Variants in DAGLA observed in about 807,000 individuals in gnomAD.
The protein encoded by DAGLA is diacylglycerol lipase-alpha.
A neutral mutation model predicts 102.6 loss-of-function variants in DAGLA; 22 were observed. That is an observed-to-expected ratio of 0.21 (90% CI 0.15 to 0.31). The LOEUF (loss-of-function observed/expected upper bound fraction) is 0.31, where lower values mean the gene tolerates loss of function less well. Ranked by LOEUF, DAGLA falls within the 10% of genes least tolerant of loss-of-function variation. The pLI, the probability that DAGLA is intolerant of heterozygous loss-of-function variation, is 1.00. For missense variants in DAGLA, 927 were observed against 1,446.6 expected (o/e 0.64, Z 5.83); for synonymous variants, 578 against 628.9 (o/e 0.92, Z 1.21).
At chr11:61,701,718 G>A (rs918931490) in intron 1 of DAGLA, among the ~76,000 whole-genome samples, 1 of 152,200 alleles carries the variant, frequency 6.6e-6, no homozygotes, top group Non-Finnish European at 1.5e-5. Context: ...GCCCTTTACC[G>A]AGTCTCACCC....
intron 1 of DAGLA, among the ~76,000 whole-genome samples, chr11:61,716,918 T>C (rs1292337975): frequency 6.6e-6 from 1 of 152,130 alleles, no homozygotes; most frequent in Non-Finnish European, 1.5e-5. Flanking sequence ...AGAGGGGTCC[T>C]GGCACCCCAT....
At chr11:61,702,520 G>T (rs2065117342) in intron 1 of DAGLA, among the ~76,000 whole-genome samples, 1 of 152,204 alleles carries the variant, frequency 6.6e-6, no homozygotes, top group Non-Finnish European at 1.5e-5. Context: ...GGAAATTAGA[G>T]ATCATCTGGT....
At chr11:61,716,810 T>C (rs190306288) in intron 1 of DAGLA, among the ~76,000 whole-genome samples, 15 of 152,306 alleles carry the variant, frequency 9.8e-5, no homozygotes, top group African/African-American at 2.9e-4. Context: ...TGGTTAGTAC[T>C]TAGTCCAGGG....
chr11:61,719,979 C>T (rs909694591), intron 1 of DAGLA, 133 bp from the exon 2 acceptor site: 5 of 624,618 alleles, frequency 8.0e-6, no homozygotes, highest in African/African-American at 5.5e-5. Context: ...TGGGTCAGCA[C>T]TTCCAGTGGC....
In DAGLA at chr11:61,696,429, C is replaced by T. The variant is rs1029050784; in HGVS notation, c.-45+15925C>T. On this transcript the variant is annotated intron_variant, in intron 1 of 19. Coordinates refer to ENST00000257215, the MANE Select transcript of DAGLA (RefSeq NM_006133.3). Reference sequence around the variant, plus strand: ...CAAGGACACCACCCCCACTTCCCAGCGGGGAGGAGCAGTGGGGCCGGGGCG... The same window carrying T: ...CAAGGACACCACCCCCACTTCCCAGTGGGGAGGAGCAGTGGGGCCGGGGCG... 9.2e-5 allele frequency among the ~76,000 whole-genome samples: 14 copies of T among 152,286 alleles called. 1 individual carries two copies. The highest frequency in any genetic ancestry group is 8.3e-4 in the South Asian group (4 of 4,826).
chr11:61,691,069 C>A (rs1006289957), intron 1 of DAGLA, among the ~76,000 whole-genome samples: 3 of 152,124 alleles, frequency 2.0e-5, no homozygotes, highest in African/African-American at 7.2e-5. Flanking sequence ...CAGTTTAGAA[C>A]ACAGCCTAAT....
intron 19 of DAGLA, among the ~76,000 whole-genome samples, chr11:61,742,750 C>A (rs1317468454): frequency 6.6e-6 from 1 of 151,956 alleles, no homozygotes; most frequent in Non-Finnish European, 1.5e-5. Context: ...TTCCCTGTCT[C>A]CCTGCTGCCC....
chr11:61,725,355 T>TG (rs967446651), intron 5 of DAGLA, among the ~76,000 whole-genome samples: 1 of 152,098 alleles, frequency 6.6e-6, no homozygotes, highest in Non-Finnish European at 1.5e-5. Context: ...GGGATGGGGT[T>TG]GGGGGGTGAG....
rs934044315 is a variant in DAGLA, at chr11:61,686,467, C to T, written c.-45+5963C>T. ...CTCACCAAATTACCCCTTGAAATTT[C>T]GCCTGCCTGAGTTCAGCCCAGGAGG... On this transcript the variant is annotated intron_variant, in intron 1 of 19. Transcript: ENST00000257215. The surrounding 1 kb of genome is among the most constrained non-coding windows in gnomAD (Gnocchi z 5.2). Among the ~76,000 whole-genome samples, 3 of 152,220 alleles carry T rather than the reference C, an allele frequency of 2.0e-5. No homozygotes were observed. The highest frequency in any genetic ancestry group is 4.4e-5 in the Non-Finnish European group (3 of 68,036).
intron 1 of DAGLA, among the ~76,000 whole-genome samples, chr11:61,696,398 G>A (rs1000317512): frequency 4.6e-5 from 7 of 152,226 alleles, no homozygotes; most frequent in African/African-American, 9.6e-5. Flanking sequence ...CCAGCCGTCC[G>A]TCCGTCAAGG....
At chr11:61,696,298 G>A (rs1333476998) in intron 1 of DAGLA, among the ~76,000 whole-genome samples, 1 of 152,204 alleles carries the variant, frequency 6.6e-6, no homozygotes, top group East Asian at 1.9e-4. Context: ...TAGTGACAGC[G>A]ATTCCCATGG....
chr11:61,697,405 G>T (rs780005628), intron 1 of DAGLA, among the ~76,000 whole-genome samples: 2 of 152,114 alleles, frequency 1.3e-5, no homozygotes, highest in Admixed American at 6.5e-5. Context: ...GAAATGCATC[G>T]CTCTGCTTGG....
At chr11:61,729,909 CAA>C in intron 8 of DAGLA, among the ~76,000 whole-genome samples, 1 of 122,902 alleles carries the variant, frequency 8.1e-6, no homozygotes, top group Admixed American at 8.4e-5. Context: ...CCTGTCTCTA[CAA>C]AAAAAAAAAA....
chr11:61,725,953 C>T lies in DAGLA; in HGVS notation c.549-42C>T, dbSNP rs763017031. ...CGTCTGGGTCCCAGCTCTTCTGGTCCAGCCCTCTGACCTCACACATACCGC... is the reference window on the plus strand; with the variant it reads ...CGTCTGGGTCCCAGCTCTTCTGGTCTAGCCCTCTGACCTCACACATACCGC... On this transcript the variant is annotated intron_variant, in intron 5 of 19. Coordinates refer to ENST00000257215, the MANE Select transcript of DAGLA (RefSeq NM_006133.3). 8 of 1,569,616 alleles carry T rather than the reference C, an allele frequency of 5.1e-6. No individual in the cohort carries two copies. The African/African-American group carries it at 9.4e-5, about 19-fold the overall frequency.
At chr11:61,737,123 C>A in intron 13 of DAGLA, 59 bp from the exon 14 acceptor site, 1 of 1,608,966 alleles carries the variant, frequency 6.2e-7, no homozygotes, top group Non-Finnish European at 8.5e-7. Flanking sequence ...CTTGGGTTGG[C>A]TAAGACAGTC....
intron 1 of DAGLA, among the ~76,000 whole-genome samples, chr11:61,685,469 A>G (rs1352473958): frequency 6.6e-6 from 1 of 152,178 alleles, no homozygotes; most frequent in African/African-American, 2.4e-5. Flanking sequence ...TAGCAGTGTC[A>G]TCAGCAAGAG....
At chr11:61,711,412 C>T (rs2065194033) in intron 1 of DAGLA, among the ~76,000 whole-genome samples, 1 of 152,204 alleles carries the variant, frequency 6.6e-6, no homozygotes, top group South Asian at 2.1e-4. Flanking sequence ...CCTGGTCTGG[C>T]CAGAGCCTGG....
rs199778275 is a variant in DAGLA, at chr11:61,739,461, G to A, written c.1657-4G>A. 3.8e-4 allele frequency: 614 copies of A among 1,611,386 alleles called. 2 individuals carry two copies. The highest frequency in any genetic ancestry group is 4.6e-4 in the Non-Finnish European group (538 of 1,179,462). ...CCCCATCTCTCCCACTCCACCCCGCGCAGTGGCGGATCATCGTGGGGGCCA... is the reference window on the plus strand; with the variant it reads ...CCCCATCTCTCCCACTCCACCCCGCACAGTGGCGGATCATCGTGGGGGCCA... On this transcript the variant is annotated splice_polypyrimidine_tract_variant and splice_region_variant and intron_variant, in intron 16 of 19. Transcript: ENST00000257215.
At chr11:61,739,970 G>GGCTCACCCCTCAGGCCCTGGCCA (rs2065463256) in intron 17 of DAGLA, among the ~76,000 whole-genome samples, 1 of 152,024 alleles carries the variant, frequency 6.6e-6, no homozygotes, top group Non-Finnish European at 1.5e-5. Context: ...TGCCCTGGAG[G>GGCTCACCCCTCAGGCCCTGGCCA]GCTCACCCCT....
Sources: allele counts gnomAD v4.1 joint callset (sites outside exome capture counted in the v4.1 genomes callset), GRCh38; gene constraint gnomAD v4.1.1; non-coding constraint Gnocchi (gnomAD v3.1); transcripts MANE v1.5; gene names NCBI Gene and HGNC (gene_info 2026-07-23, HGNC 2026-07-21).